The following KCNG2 variants were observed in gnomAD, a reference collection of about 807,000 sequenced individuals.
The protein encoded by KCNG2 is voltage-gated potassium channel regulatory subunit KCNG2.
In KCNG2, 7 loss-of-function variants were observed where a neutral mutation model predicts 12.3. The observed-to-expected ratio is 0.57, with a 90% CI of 0.32 to 1.07. KCNG2 has a LOEUF of 1.07. Ranked by LOEUF, KCNG2 falls within the 50% of genes least tolerant of loss-of-function variation. The pLI is 0.04. For missense variants in KCNG2, 703 were observed against 726.0 expected (o/e 0.97, Z 0.36); for synonymous variants, 414 against 351.4 (o/e 1.18, Z -1.99).
chr18:79,883,764 C>T (rs542791244), intron 3 of KCNG2, among the ~76,000 whole-genome samples: 1 of 152,338 alleles, frequency 6.6e-6, no homozygotes, highest in Admixed American at 6.5e-5. Flanking sequence ...TTCCAGGTAC[C>T]CTGGGTAAAC....
At chr18:79,895,817 T>A (rs1161749008) in intron 3 of KCNG2, among the ~76,000 whole-genome samples, 1 of 152,262 alleles carries the variant, frequency 6.6e-6, no homozygotes, top group Non-Finnish European at 1.5e-5. Flanking sequence ...CTGTTTTGAT[T>A]GATATAGTTG....
intron 1 of KCNG2, among the ~76,000 whole-genome samples, chr18:79,809,655 C>T (rs183413761): frequency 1.3e-5 from 2 of 152,344 alleles, no homozygotes; most frequent in East Asian, 3.9e-4. Flanking sequence ...TCACTGACCA[C>T]ACCACGTTCC....
chr18:79,846,496 A>C (rs1978635829), intron 1 of KCNG2, among the ~76,000 whole-genome samples: 1 of 152,144 alleles, frequency 6.6e-6, no homozygotes, highest in South Asian at 2.1e-4. Context: ...TATCAGAAAG[A>C]GATTACAGGA....
intron 1 of KCNG2, among the ~76,000 whole-genome samples, chr18:79,848,960 T>G (rs971109839): frequency 1.3e-5 from 2 of 152,086 alleles, no homozygotes; most frequent in Non-Finnish European, 1.5e-5. Flanking sequence ...GCCTGTGAAT[T>G]TCTCTGTGTT....
In KCNG2 at chr18:79,900,085, T is replaced by C. The variant is rs1302828247; in HGVS notation, c.*269T>C. On this transcript the variant is annotated 3_prime_UTR_variant, in exon 4 of 4. Transcript: ENST00000316249. ...TTCTACGCCTAGCTAAAAATAAATT[T>C]AGTAAGTCCGAGAGATTCCACGCCT... is the stretch of plus-strand genomic sequence containing the variant. The C allele has an allele frequency of 2.9e-6, 1 of 339,744 alleles. No individual in the cohort carries two copies. The highest frequency in any genetic ancestry group is 5.3e-6 in the Non-Finnish European group (1 of 188,846). 21.0% of individuals were successfully genotyped at this position (339,744 alleles called of 1,614,324 possible).
intron 1 of KCNG2, among the ~76,000 whole-genome samples, chr18:79,804,562 G>A (rs1469227321): frequency 6.6e-6 from 1 of 152,226 alleles, no homozygotes; most frequent in East Asian, 1.9e-4. Context: ...CCCCAGAGCT[G>A]CTGACGCACC....
At position 79,877,576 on chromosome 18, in the gene KCNG2, G is replaced by GC. The variant is rs951479596; in HGVS notation, c.624+13293dup. Among the ~76,000 whole-genome samples, 248 of 151,072 alleles carry GC rather than the reference G, an allele frequency of 1.6e-3. 1 individual carries two copies. The highest frequency in any genetic ancestry group is 5.3e-3 in the African/African-American group (219 of 41,134). ...CTGACCCCCTTGTTCTCACACCTCC[G>GC]CCCCCCCCGAGAGTCACGGCACTCA... On this transcript the variant is annotated intron_variant, in intron 3 of 3. Transcript: ENST00000316249.
rs557205241 is a variant in KCNG2 at position 79,898,568 on chromosome 18, T to TG, written c.625-468dup. On this transcript the variant is annotated intron_variant, in intron 3 of 3. Transcript: ENST00000316249. The stretch of plus-strand genomic sequence containing the variant: ...AGCCCTCCTGACTGGGAGCTGTGGG[T>TG]GGGGTGGAGGTGGGGGTGGGGGTCT... Among the ~76,000 whole-genome samples, 165 of 152,156 alleles carry TG rather than the reference T, an allele frequency of 1.1e-3. 1 individual carries two copies. Among genetic ancestry groups the TG allele is most frequent in the African/African-American group, 3.3e-3 (139 of 41,518 alleles).
Position 79,899,157 on chromosome 18 carries a change from C to T in KCNG2, c.742C>T (p.Arg248Cys), listed in dbSNP as rs777174838. The T allele has an allele frequency of 6.8e-6, 11 of 1,606,854 alleles. No individual in the cohort carries two copies. The highest frequency in any genetic ancestry group is 2.7e-5 in the African/African-American group (2 of 74,984). The part of the protein sequence containing the change: ...LQAESKCAFL[R>C]APLNIIDILA... ...GGCCGAGAGCAAGTGCGCCTTCCTGCGCGCGCCACTCAACATCATTGACAT... is the reference window on the plus strand; with the variant it reads ...GGCCGAGAGCAAGTGCGCCTTCCTGTGCGCGCCACTCAACATCATTGACAT... The change falls in exon 4 of 4, where the codon CGC becomes TGC. Residue 248 changes from arginine to cysteine, a missense_variant. Transcript: ENST00000316249.
chr18:79,821,764 C>T (rs758989048), intron 1 of KCNG2, among the ~76,000 whole-genome samples: 11 of 152,200 alleles, frequency 7.2e-5, no homozygotes, highest in South Asian at 4.1e-4. Flanking sequence ...CATCTCTGGG[C>T]GTCCTGCTCC....
intron 1 of KCNG2, among the ~76,000 whole-genome samples, chr18:79,807,505 C>A (rs2087458840): frequency 6.6e-6 from 1 of 152,214 alleles, no homozygotes; most frequent in African/African-American, 2.4e-5. Context: ...TTTAGAACGC[C>A]TCTGCGCTCG....
At chr18:79,897,550 G>C (rs932282959) in intron 3 of KCNG2, among the ~76,000 whole-genome samples, 1 of 152,086 alleles carries the variant, frequency 6.6e-6, no homozygotes, top group African/African-American at 2.4e-5. Context: ...TTTGACATTT[G>C]GTCACTCTCA....
In KCNG2 at chr18:79,803,036, G is replaced by C. The variant is rs2087423216; in HGVS notation, c.-115+5022G>C. On this transcript the variant is annotated intron_variant, in intron 1 of 3. Coordinates refer to ENST00000316249, the MANE Select transcript of KCNG2 (RefSeq NM_012283.2). This position sits in a 1 kb window ranked among gnomAD's most constrained non-coding sequence, Gnocchi z 4.5. ...TCTACTAAAACACAAAAATTAGCCG[G>C]GCATGGTGGCAGGCACCTGTAATTC... is the stretch of plus-strand genomic sequence containing the variant. Among the ~76,000 whole-genome samples, 1 of 152,254 alleles carries C rather than the reference G, an allele frequency of 6.6e-6. No individual in the cohort carries two copies. The highest frequency in any genetic ancestry group is 6.5e-5 in the Admixed American group (1 of 15,284).
intron 2 of KCNG2, among the ~76,000 whole-genome samples, chr18:79,863,427 G>A (rs1178208262): frequency 1.3e-5 from 2 of 152,246 alleles, no homozygotes; most frequent in African/African-American, 4.8e-5. Context: ...CACCTGGCGG[G>A]GTCCGCTGGA....
Position 79,863,926 on chromosome 18 carries a change from G to T in KCNG2, c.259G>T (p.Ala87Ser). 1 of 1,375,702 alleles carries T rather than the reference G, an allele frequency of 7.3e-7. No individual in the cohort carries two copies. The highest frequency in any genetic ancestry group is 9.4e-7 in the Non-Finnish European group (1 of 1,059,350). 85.2% of individuals were successfully genotyped at this position (1,375,702 alleles called of 1,614,324 possible). A position where few individuals can be genotyped will look rare whatever the true frequency, so the allele number is the denominator to read the frequency against. ...AFRAIVALLRAGKLRLLRGPC... is the reference protein window; with the variant it reads ...AFRAIVALLRSGKLRLLRGPC... ...CCGCGCCATCGTGGCGCTTTTGCGC[G>T]CAGGGAAGCTGCGACTGCTGCGGGG... The change falls in exon 3 of 4, where the codon GCA becomes TCA. Residue 87 changes from alanine to serine, a missense_variant. Coordinates refer to ENST00000316249, the MANE Select transcript of KCNG2 (RefSeq NM_012283.2).
At chr18:79,872,293 T>TTTTTTTTTTTTTTTTTTTTTTTTTTG (rs1979878109) in intron 3 of KCNG2, among the ~76,000 whole-genome samples, 1 of 134,106 alleles carries the variant, frequency 7.5e-6, no homozygotes, top group African/African-American at 2.7e-5. Flanking sequence ...TTTTTTTTTT[T>TTTTTTTTTTTTTTTTTTTTTTTTTTG]TTTTTTTTTT....
intron 2 of KCNG2, among the ~76,000 whole-genome samples, chr18:79,863,142 G>C (rs1476051539): frequency 6.6e-6 from 1 of 152,252 alleles, no homozygotes; most frequent in Non-Finnish European, 1.5e-5. Context: ...CCGCCTCACA[G>C]AATGCTGAGT....
At chr18:79,875,058 C>G (rs1163407087) in intron 3 of KCNG2, among the ~76,000 whole-genome samples, 1 of 152,210 alleles carries the variant, frequency 6.6e-6, no homozygotes, top group Non-Finnish European at 1.5e-5. Context: ...CTCCCAGCCT[C>G]CATCTCACCC....
chr18:79,803,687 G>A lies in KCNG2; in HGVS notation c.-115+5673G>A, dbSNP rs550609596. 6.6e-6 allele frequency among the ~76,000 whole-genome samples: 1 copy of A among 152,208 alleles called. No individual in the cohort carries two copies. Among genetic ancestry groups the A allele is most frequent in the African/African-American group, 2.4e-5 (1 of 41,538 alleles). ...CGGAGGAGGCGTTTTCTCCCATCCCGCCCCAGCAGGGAGCCTGCCCTCCTG... is the reference window on the plus strand; with the variant it reads ...CGGAGGAGGCGTTTTCTCCCATCCCACCCCAGCAGGGAGCCTGCCCTCCTG... On this transcript the variant is annotated intron_variant, in intron 1 of 3. Transcript: ENST00000316249. The surrounding 1 kb of genome is among the most constrained non-coding windows in gnomAD (Gnocchi z 4.5).
Sources: gnomAD v4.1 joint callset for allele counts (sites outside exome capture counted in the v4.1 genomes callset) on GRCh38, gnomAD v4.1.1 for gene constraint, Gnocchi (gnomAD v3.1) non-coding constraint, MANE v1.5 for transcripts, NCBI Gene and HGNC (gene_info 2026-07-23, HGNC 2026-07-21) for gene names.